Variants in DNAH6 observed in about 807,000 individuals in gnomAD.
The protein encoded by DNAH6 is dynein axonemal heavy chain 6, also known as axonemal beta dynein heavy chain 6.
A neutral mutation model predicts 491.4 loss-of-function variants in DNAH6; 340 were observed. The observed-to-expected ratio is 0.69, with a 90% CI of 0.63 to 0.76. The LOEUF is 0.76. DNAH6 is among the 30% of genes least tolerant of loss of function. The probability of loss-of-function intolerance (pLI) is 0.00; values close to 1 mark genes in which losing one functional copy is unlikely to be tolerated. For synonymous variants in DNAH6, 1,603 were observed against 1,686.1 expected, an observed-to-expected ratio of 0.95 and a Z score of 1.21; for missense variants, 4,443 against 4,972.2, an observed-to-expected ratio of 0.89 and a Z score of 3.20.
At chr2:84,636,227 C>G (rs1688867743) in intron 30 of DNAH6, among the ~76,000 whole-genome samples, 1 of 152,200 alleles carries the variant, frequency 6.6e-6, no homozygotes, top group South Asian at 2.1e-4. Flanking sequence ...ATGCTCAGGC[C>G]CAGCCTAGCT....
chr2:84,641,029 C>G (rs1689340306), intron 32 of DNAH6, among the ~76,000 whole-genome samples: 1 of 152,156 alleles, frequency 6.6e-6, no homozygotes, highest in Admixed American at 6.6e-5. Flanking sequence ...CAGCTTATGT[C>G]TTAGATTTCA....
chr2:84,474,410 A>G, the DNAH6 span, among the ~76,000 whole-genome samples: 1 of 152,192 alleles, frequency 6.6e-6, no homozygotes, highest in Non-Finnish European at 1.5e-5. Context: ...AACAAGAGGA[A>G]TGGGAGCCAG....
At chr2:84,504,220 G>T in the DNAH6 span, among the ~76,000 whole-genome samples, 2 of 151,908 alleles carry the variant, frequency 1.3e-5, no homozygotes, top group African/African-American at 4.8e-5. Flanking sequence ...TATGTCAGTT[G>T]CATTTTTCAG....
chr2:84,733,515 A>C lies in DNAH6; in HGVS notation c.10278A>C (p.Glu3426Asp), dbSNP rs1384798667. Residue 3426 changes from glutamate (E) to aspartate (D), a missense_variant, in exon 62 of 77, where the codon GAA becomes GAC. Physicochemically the swap from Glu to Asp is conservative, Grantham distance 45. Transcript: ENST00000389394. ...ATWFACCDLEESFPVFHGLTQ... is the reference protein window; with the variant it reads ...ATWFACCDLEDSFPVFHGLTQ... ...GGTTCGCATGCTGTGACTTGGAAGA[A>C]TCATTTCCAGTTTTTCACGGACTTA... is the stretch of plus-strand genomic sequence containing the variant. The C allele has an allele frequency of 6.4e-7, 1 of 1,551,556 alleles. No homozygotes were observed. Among genetic ancestry groups the C allele is most frequent in the East Asian group, 2.4e-5 (1 of 40,914 alleles).
intron 62 of DNAH6, among the ~76,000 whole-genome samples, chr2:84,740,661 C>T (rs949075317): frequency 6.6e-5 from 10 of 152,154 alleles, no homozygotes; most frequent in South Asian, 4.1e-4. Flanking sequence ...CCCTCCCACG[C>T]CTCAGAGCTG....
At chr2:84,709,265 T>G in intron 54 of DNAH6, 78 bp from the exon 55 acceptor site, 1 of 1,428,264 alleles carries the variant, frequency 7.0e-7, no homozygotes, top group South Asian at 1.2e-5. Context: ...GACTTACCAC[T>G]GCCCACCACA....
intron 5 of DNAH6, among the ~76,000 whole-genome samples, chr2:84,544,730 C>T (rs376722948): frequency 7.2e-4 from 110 of 152,144 alleles, no homozygotes; most frequent in African/African-American, 2.5e-3. Context: ...TGCACAGGTC[C>T]CTTTTGATTA....
intron 2 of DNAH6, among the ~76,000 whole-genome samples, chr2:84,521,726 G>A (rs1676162508): frequency 6.6e-6 from 1 of 152,110 alleles, no homozygotes; most frequent in South Asian, 2.1e-4. Context: ...TTATTGAATA[G>A]GGAGTCCTTT....
intron 64 of DNAH6, among the ~76,000 whole-genome samples, chr2:84,780,276 G>C (rs143060112): frequency 6.6e-6 from 1 of 152,166 alleles, no homozygotes; most frequent in Non-Finnish European, 1.5e-5. Flanking sequence ...TGCCAGTATG[G>C]CATAGGTTTT....
intron 33 of DNAH6, among the ~76,000 whole-genome samples, chr2:84,651,711 C>T (rs1004001037): frequency 6.6e-6 from 1 of 152,114 alleles, no homozygotes; most frequent in Admixed American, 6.5e-5. Context: ...GGTACCTAGC[C>T]AGTCTGACTT....
intron 64 of DNAH6, among the ~76,000 whole-genome samples, chr2:84,766,730 A>G (rs1573747106): frequency 6.6e-6 from 1 of 152,234 alleles, no homozygotes; most frequent in African/African-American, 2.4e-5. Flanking sequence ...CCCGGCACTC[A>G]TGGCCATTTT....
intron 18 of DNAH6, among the ~76,000 whole-genome samples, chr2:84,601,049 A>G (rs943098186): frequency 2.0e-5 from 3 of 148,078 alleles, no homozygotes; most frequent in African/African-American, 7.4e-5. Context: ...CTATAATAAT[A>G]ATGTTATTAT....
intron 47 of DNAH6, chr2:84,697,962 A>G (rs988625511): frequency 7.7e-6 from 4 of 518,688 alleles, no homozygotes; most frequent in Admixed American, 3.3e-5. Context: ...CAGAGGTCAT[A>G]GTCTTGTCCA....
At chr2:84,598,444 A>G (rs1471705334) in intron 18 of DNAH6, among the ~76,000 whole-genome samples, 1 of 152,182 alleles carries the variant, frequency 6.6e-6, no homozygotes, top group Non-Finnish European at 1.5e-5. Context: ...ATTTTTAATA[A>G]AGCTGCTATA....
the DNAH6 span, among the ~76,000 whole-genome samples, chr2:84,464,018 C>T: frequency 1.3e-5 from 2 of 152,108 alleles, no homozygotes; most frequent in African/African-American, 4.8e-5. Context: ...AGATTCTTTT[C>T]CTTTCACCAG....
In DNAH6 at chr2:84,688,737, A is replaced by T. The variant is rs1694546523; in HGVS notation, c.7292+144A>T. ...TAACTCTCACCATAACTTAAGAGTT[A>T]TTGTTTAACATATTTTAAATATTTG... On this transcript the variant is annotated intron_variant, in intron 45 of 76. Coordinates refer to ENST00000389394, the MANE Select transcript of DNAH6 (RefSeq NM_001370.2). 10 of 625,352 alleles carry T rather than the reference A, an allele frequency of 1.6e-5. No individual in the cohort carries two copies. In the South Asian group the frequency reaches 2.1e-4, roughly 13 times the overall value. The allele number at this position is 625,352 out of a possible 1,614,324, so 38.7% of individuals were successfully genotyped here. A position where few individuals can be genotyped will look rare whatever the true frequency, so the allele number is the denominator to read the frequency against.
intron 29 of DNAH6, among the ~76,000 whole-genome samples, chr2:84,626,450 C>T (rs1285354844): frequency 5.9e-5 from 9 of 151,966 alleles, no homozygotes; most frequent in African/African-American, 2.2e-4. Context: ...AAAGATTGTT[C>T]ATAGTGGAAT....
intron 15 of DNAH6, among the ~76,000 whole-genome samples, chr2:84,587,207 C>G (rs1003775996): frequency 1.3e-5 from 2 of 152,000 alleles, no homozygotes; most frequent in African/African-American, 4.8e-5. Flanking sequence ...ACATGCAATA[C>G]TTGGTTTTCT....
chr2:84,545,877 C>CT (rs1678731058), intron 5 of DNAH6, among the ~76,000 whole-genome samples: 1 of 152,048 alleles, frequency 6.6e-6, no homozygotes, highest in Non-Finnish European at 1.5e-5. Flanking sequence ...TTGTTGGCAC[C>CT]CGTGCCTATG....
Sources: allele counts gnomAD v4.1 joint callset (sites outside exome capture counted in the v4.1 genomes callset), GRCh38; gene constraint gnomAD v4.1.1; transcripts MANE v1.5; gene names NCBI Gene and HGNC (gene_info 2026-07-23, HGNC 2026-07-21).